Variants in IL20RB observed in about 807,000 individuals in gnomAD.
The protein encoded by IL20RB is interleukin-20 receptor subunit beta.
In IL20RB, 21 loss-of-function variants were observed where a neutral mutation model predicts 33.3. The ratio of observed to expected loss-of-function variants is 0.63; its 90% CI spans 0.45 to 0.91. The LOEUF is 0.91. IL20RB is among the 40% of genes least tolerant of loss of function. The pLI, the probability that IL20RB is intolerant of heterozygous loss-of-function variation, is 0.00. For missense variants in IL20RB, 345 were observed against 384.8 expected (o/e 0.90, Z 0.86); for synonymous variants, 147 against 146.8 (o/e 1.00, Z -0.01).
At chr3:137,007,265 A>G (rs1263276924) in intron 6 of IL20RB, among the ~76,000 whole-genome samples, 3 of 151,478 alleles carry the variant, frequency 2.0e-5, no homozygotes. Flanking sequence ...TTGAAGAGGC[A>G]GTCTGTCTGT....
intron 1 of IL20RB, among the ~76,000 whole-genome samples, chr3:136,973,115 A>C (rs1014699738): frequency 6.6e-6 from 1 of 152,052 alleles, no homozygotes; most frequent in African/African-American, 2.4e-5. Context: ...CACCAGTTTA[A>C]GTTTTTCTTG....
In IL20RB at chr3:136,981,969, C is replaced by T. The variant is rs1941786095; in HGVS notation, c.216-191C>T. 3 of 406,702 alleles carry T rather than the reference C, an allele frequency of 7.4e-6. No individual in the cohort carries two copies. The Middle Eastern group carries it at 2.0e-3, about 265-fold the overall frequency. 25.2% of individuals were successfully genotyped at this position (406,702 alleles called of 1,614,324 possible). A position where few individuals can be genotyped will look rare whatever the true frequency, so the allele number is the denominator to read the frequency against. On this transcript the variant is annotated intron_variant, in intron 2 of 6. Coordinates refer to ENST00000329582, the MANE Select transcript of IL20RB (RefSeq NM_144717.4). ...CATTGATGTTTATGCCTAGCTTTCC[C>T]TATCTGGCAATAAAAGGAGTAAGGG... is the stretch of plus-strand genomic sequence containing the variant.
rs147500349 is a variant in IL20RB, at chr3:137,005,382, A to T, written c.826-4731A>T. Among the ~76,000 whole-genome samples, 94 of 152,190 alleles carry T rather than the reference A, an allele frequency of 6.2e-4. No homozygotes were observed. In the East Asian group the frequency reaches 0.017, roughly 27 times the overall value. ...CAGTAGGCTGTTAAAGTCTCCCATT[A>T]TTATTGTGTGGGAGTCTAAGTCTCT... On this transcript the variant is annotated intron_variant, in intron 6 of 6. Coordinates refer to ENST00000329582, the MANE Select transcript of IL20RB (RefSeq NM_144717.4).
chr3:136,980,416 T>C (rs780787132), intron 1 of IL20RB, 50 bp from the exon 2 acceptor site: 1 of 1,613,130 alleles, frequency 6.2e-7, no homozygotes, highest in Non-Finnish European at 8.5e-7. Context: ...GCTATGGCAT[T>C]CCCCCACTAT....
intron 5 of IL20RB, among the ~76,000 whole-genome samples, chr3:136,993,110 C>T (rs1942063874): frequency 6.6e-6 from 1 of 152,168 alleles, no homozygotes; most frequent in South Asian, 2.1e-4. Flanking sequence ...CACCTGTAAT[C>T]CCGGCACTTT....
At chr3:136,983,785 T>C (rs1941838742) in intron 3 of IL20RB, among the ~76,000 whole-genome samples, 1 of 152,220 alleles carries the variant, frequency 6.6e-6, no homozygotes, top group Non-Finnish European at 1.5e-5. Flanking sequence ...AATCAGTCCC[T>C]GAGGCTTAGA....
chr3:136,959,331 C>A (rs917417177), intron 1 of IL20RB: 5 of 152,192 alleles, frequency 3.3e-5, no homozygotes, highest in Non-Finnish European at 7.3e-5. Context: ...TCAGTATTTC[C>A]TTCTACGTCT....
chr3:136,972,583 C>A (rs1417778122), intron 1 of IL20RB, among the ~76,000 whole-genome samples: 1 of 151,982 alleles, frequency 6.6e-6, no homozygotes. Context: ...TCCAGTTTGT[C>A]AGCTTATAGT....
chr3:136,993,562 C>G (rs1392098448), intron 5 of IL20RB, among the ~76,000 whole-genome samples: 1 of 152,018 alleles, frequency 6.6e-6, no homozygotes. Context: ...CTAATGCTAT[C>G]CCTCCCCCAA....
chr3:136,998,969 C>T (rs1942188395), intron 6 of IL20RB, among the ~76,000 whole-genome samples: 1 of 152,114 alleles, frequency 6.6e-6, no homozygotes, highest in Admixed American at 6.6e-5. Context: ...TGGCTTTCAC[C>T]AGTTAAATTA....
intron 3 of IL20RB, among the ~76,000 whole-genome samples, chr3:136,988,068 T>G (rs1473049398): frequency 1.3e-5 from 2 of 152,134 alleles, no homozygotes; most frequent in East Asian, 3.9e-4. Context: ...GCTCCTCAAG[T>G]GCGGCCAAAG....
intron 5 of IL20RB, among the ~76,000 whole-genome samples, chr3:136,994,961 T>A (rs1942097861): frequency 1.3e-5 from 2 of 152,224 alleles, no homozygotes; most frequent in African/African-American, 4.8e-5. Context: ...CTGAACAATT[T>A]CCTCCATAAC....
At chr3:136,986,656 G>T (rs754803484) in intron 3 of IL20RB, 7 of 456,588 alleles carry the variant, frequency 1.5e-5, no homozygotes, top group Non-Finnish European at 2.6e-5. Flanking sequence ...TGAGGGACGC[G>T]ATGGGGAAAG....
At chr3:136,973,368 G>A (rs1387143424) in intron 1 of IL20RB, among the ~76,000 whole-genome samples, 1 of 151,618 alleles carries the variant, frequency 6.6e-6, no homozygotes, top group Non-Finnish European at 1.5e-5. Flanking sequence ...GCGCATGCCT[G>A]TAATCCCAGC....
At chr3:137,000,528 CTTTTAG>C (rs1198884401) in intron 6 of IL20RB, among the ~76,000 whole-genome samples, 1 of 152,196 alleles carries the variant, frequency 6.6e-6, no homozygotes, top group African/African-American at 2.4e-5. Flanking sequence ...CAAGCATGAA[CTTTTAG>C]TTGCTCTACC....
At chr3:137,004,482 G>T (rs1942312261) in intron 6 of IL20RB, among the ~76,000 whole-genome samples, 1 of 152,118 alleles carries the variant, frequency 6.6e-6, no homozygotes, top group African/African-American at 2.4e-5. Context: ...CTTCTTCCTG[G>T]TTTAGTCTTG....
At chr3:136,972,409 G>A (rs1485000555) in intron 1 of IL20RB, among the ~76,000 whole-genome samples, 1 of 152,138 alleles carries the variant, frequency 6.6e-6, no homozygotes, top group Non-Finnish European at 1.5e-5. Flanking sequence ...ATGTTTGGTA[G>A]AATTCAGCTG....
chr3:137,003,502 A>G (rs1162961402), intron 6 of IL20RB, among the ~76,000 whole-genome samples: 2 of 152,084 alleles, frequency 1.3e-5, no homozygotes, highest in Admixed American at 1.3e-4. Context: ...TGTAAGCTGG[A>G]TTCCTAGGTA....
intron 3 of IL20RB, chr3:136,986,666 G>T (rs1292860384): frequency 2.2e-6 from 1 of 456,720 alleles, no homozygotes; most frequent in South Asian, 1.5e-5. Context: ...GATGGGGAAA[G>T]GCTTTGTTCT....
Sources: gnomAD v4.1 joint callset for allele counts (sites outside exome capture counted in the v4.1 genomes callset) on GRCh38, gnomAD v4.1.1 for gene constraint, MANE v1.5 for transcripts, NCBI Gene and HGNC (gene_info 2026-07-23, HGNC 2026-07-21) for gene names.